Variants in NUDCD3 observed in about 807,000 individuals in gnomAD.
NUDCD3 encodes the protein nudC domain-containing protein 3.
In NUDCD3, 13 loss-of-function variants were observed where a neutral mutation model predicts 39.7. The ratio of observed to expected loss-of-function variants is 0.33; its 90% CI spans 0.21 to 0.52. The LOEUF is 0.52. Among genes scored for constraint, NUDCD3 ranks in the 20% least tolerant of loss-of-function variants. The pLI is 0.96. For synonymous variants in NUDCD3, 175 were observed against 172.4 expected (o/e 1.02, Z -0.12); for missense variants, 453 against 458.1 (o/e 0.99, Z 0.10).
intron 2 of NUDCD3, among the ~76,000 whole-genome samples, chr7:44,455,527 T>C (rs1799874662): frequency 6.6e-6 from 1 of 152,020 alleles, no homozygotes; most frequent in South Asian, 2.1e-4. Flanking sequence ...CCAAGCCCAA[T>C]CCTTCAGGCA....
chr7:44,412,127 G>A (rs1798938908), intron 3 of NUDCD3, among the ~76,000 whole-genome samples: 1 of 152,234 alleles, frequency 6.6e-6, no homozygotes, highest in Non-Finnish European at 1.5e-5. Context: ...AGACTAGGAA[G>A]ATATCCAGGA....
At chr7:44,462,991 A>G (rs188749305) in intron 2 of NUDCD3, among the ~76,000 whole-genome samples, 53 of 141,778 alleles carry the variant, frequency 3.7e-4, no homozygotes, top group African/African-American at 1.2e-3. Flanking sequence ...GTGTGTGTGT[A>G]TACACAAAGA....
intron 3 of NUDCD3, chr7:44,426,028 T>C: frequency 1.6e-6 from 1 of 616,830 alleles, no homozygotes; most frequent in Non-Finnish European, 2.0e-6. Context: ...TTATAGGACA[T>C]GGCTCCCTGC....
chr7:44,454,293 C>A (rs967696525), intron 2 of NUDCD3, among the ~76,000 whole-genome samples: 1 of 152,030 alleles, frequency 6.6e-6, no homozygotes, highest in African/African-American at 2.4e-5. Context: ...GAGCTGAGAT[C>A]GAGCCACTGC....
At chr7:44,465,291 G>C (rs1800096773) in intron 2 of NUDCD3, among the ~76,000 whole-genome samples, 1 of 152,296 alleles carries the variant, frequency 6.6e-6, no homozygotes, top group African/African-American at 2.4e-5. Context: ...ATGAGGCTGA[G>C]AGAATACAGA....
chr7:44,386,205 G>A (rs995336064), intron 5 of NUDCD3, 84 bp from the exon 6 acceptor site: 3 of 1,449,288 alleles, frequency 2.1e-6, no homozygotes, highest in East Asian at 4.7e-5. Flanking sequence ...TGCAGGTAGA[G>A]AGCCTTCTTG....
chr7:44,449,959 A>G (rs1423682359), intron 2 of NUDCD3, among the ~76,000 whole-genome samples: 1 of 152,142 alleles, frequency 6.6e-6, no homozygotes, highest in Non-Finnish European at 1.5e-5. Context: ...ACTGGGAGAA[A>G]ATATTTGCAA....
At chr7:44,441,183 C>T (rs1031759866) in intron 2 of NUDCD3, among the ~76,000 whole-genome samples, 2 of 152,092 alleles carry the variant, frequency 1.3e-5, no homozygotes, top group East Asian at 1.9e-4. Context: ...GTTTTGGGGG[C>T]GAAAATGTTA....
intron 5 of NUDCD3, 37 bp downstream of exon 5, chr7:44,392,260 C>CT (rs768899977): frequency 6.3e-7 from 1 of 1,599,924 alleles, no homozygotes; most frequent in Non-Finnish European, 8.5e-7. Flanking sequence ...GCACAAGGGC[C>CT]TAAAGGGTGG....
intron 2 of NUDCD3, chr7:44,468,371 GA>G: frequency 1.1e-6 from 1 of 881,174 alleles, no homozygotes; most frequent in African/African-American, 2.3e-5. Context: ...AAAAAAAAAA[GA>G]AAAGAAAACT....
intron 2 of NUDCD3, among the ~76,000 whole-genome samples, chr7:44,473,487 T>C (rs994741757): frequency 8.5e-5 from 13 of 152,094 alleles, no homozygotes; most frequent in African/African-American, 3.1e-4. Flanking sequence ...CAACAGGAAG[T>C]ATTCAGTCAG....
chr7:44,457,078 G>A (rs952057511), intron 2 of NUDCD3, among the ~76,000 whole-genome samples: 1 of 151,794 alleles, frequency 6.6e-6, no homozygotes, highest in South Asian at 2.1e-4. Flanking sequence ...CTCAATCCCA[G>A]GCAAATCAAG....
At chr7:44,466,804 G>T (rs562670408) in intron 2 of NUDCD3, among the ~76,000 whole-genome samples, 2 of 152,252 alleles carry the variant, frequency 1.3e-5, no homozygotes, top group Non-Finnish European at 2.9e-5. Flanking sequence ...CAAAGCAGGA[G>T]GCATGCTAGT....
chr7:44,404,334 T>C lies in NUDCD3; in HGVS notation c.786+106A>G. 3 of 1,197,072 alleles carry C rather than the reference T, an allele frequency of 2.5e-6. No homozygotes were observed. The Admixed American group carries it at 6.3e-5, about 25-fold the overall frequency. 74.2% of individuals were successfully genotyped at this position (1,197,072 alleles called of 1,614,324 possible). Reference sequence around the variant, plus strand: ...AACCCATCTGCCCCAGCAGCTGAAATTAACAACCTCACTGCTTAAGTGTAA... The same window carrying C: ...AACCCATCTGCCCCAGCAGCTGAAACTAACAACCTCACTGCTTAAGTGTAA... On this transcript the variant is annotated intron_variant, in intron 4 of 5. Coordinates refer to ENST00000355451, the MANE Select transcript of NUDCD3 (RefSeq NM_015332.4).
chr7:44,427,484 T>C, intron 3 of NUDCD3, 87 bp downstream of exon 3: 2 of 1,446,658 alleles, frequency 1.4e-6, no homozygotes, highest in South Asian at 2.6e-5. Flanking sequence ...ATCTCAACAC[T>C]CCCTCAAGGA....
chr7:44,458,751 C>A (rs1305933500), intron 2 of NUDCD3, among the ~76,000 whole-genome samples: 1 of 152,124 alleles, frequency 6.6e-6, no homozygotes, highest in Non-Finnish European at 1.5e-5. Flanking sequence ...TGTTAAAGTA[C>A]AAATTTTAAG....
intron 1 of NUDCD3, chr7:44,485,683 AC>A (rs1282326299): frequency 6.0e-6 from 1 of 165,890 alleles, no homozygotes; most frequent in Non-Finnish European, 1.3e-5. Context: ...ATATGGCTGA[AC>A]TTCAATTCCC....
In NUDCD3 at chr7:44,473,258, T is replaced by A. The variant is rs1585103507; in HGVS notation, c.509+11710A>T. On this transcript the variant is annotated intron_variant, in intron 2 of 5. Coordinates refer to ENST00000355451, the MANE Select transcript of NUDCD3 (RefSeq NM_015332.4). ...AGAGCAAGGACCCAAGCATTTTATT[T>A]TATTTTATGTTTTATGGACCAAACA... 2.0e-5 allele frequency among the ~76,000 whole-genome samples: 3 copies of A among 152,208 alleles called. No homozygotes were observed. The South Asian group carries it at 6.2e-4, about 31-fold the overall frequency.
At chr7:44,455,655 T>C (rs2116941289) in intron 2 of NUDCD3, among the ~76,000 whole-genome samples, 1 of 152,300 alleles carries the variant, frequency 6.6e-6, no homozygotes, top group Admixed American at 6.5e-5. Flanking sequence ...TTAGTGCAGG[T>C]AAATGTGAGT....
Sources: gnomAD v4.1 joint callset for allele counts (sites outside exome capture counted in the v4.1 genomes callset) on GRCh38, gnomAD v4.1.1 for gene constraint, MANE v1.5 for transcripts, NCBI Gene and HGNC (gene_info 2026-07-23, HGNC 2026-07-21) for gene names.